ADAMTSL1: variants seen among roughly 807,000 people sequenced by gnomAD.
The protein encoded by ADAMTSL1 is ADAMTS-like protein 1.
Under a neutral mutation model 201.8 loss-of-function variants are expected in ADAMTSL1, and 126 were observed. That is an observed-to-expected ratio of 0.62 (90% CI 0.54 to 0.72). ADAMTSL1 has a LOEUF of 0.72. ADAMTSL1 is among the 30% of genes least tolerant of loss of function. The probability of loss-of-function intolerance (pLI) is 0.00; values close to 1 mark genes in which losing one functional copy is unlikely to be tolerated. For synonymous variants in ADAMTSL1, 1,121 were observed against 903.4 expected (o/e 1.24, Z -4.32); for missense variants, 2,679 against 2,277.8 (o/e 1.18, Z -3.59).
intron 2 of ADAMTSL1, among the ~76,000 whole-genome samples, chr9:18,455,616 T>TA (rs1254696406): frequency 6.6e-6 from 1 of 152,178 alleles, no homozygotes; most frequent in Non-Finnish European, 1.5e-5. Context: ...AAGTCCTCTC[T>TA]AATTCACTTT....
chr9:18,252,272 C>G (rs1025074612), intron 2 of ADAMTSL1, among the ~76,000 whole-genome samples: 1 of 152,106 alleles, frequency 6.6e-6, no homozygotes, highest in South Asian at 2.1e-4. Flanking sequence ...AAGTGGAATC[C>G]AAATGGCCTA....
chr9:18,640,501 C>T (rs1329015964), intron 7 of ADAMTSL1, among the ~76,000 whole-genome samples: 6 of 152,020 alleles, frequency 3.9e-5, no homozygotes, highest in Non-Finnish European at 7.4e-5. Context: ...TGGATTCAAG[C>T]AATATTGCTT....
intron 2 of ADAMTSL1, among the ~76,000 whole-genome samples, chr9:18,321,619 A>G (rs1834623127): frequency 3.3e-5 from 5 of 152,072 alleles, no homozygotes; most frequent in Admixed American, 3.3e-4. Context: ...CAGTGAAACC[A>G]CATCTCTACC....
At chr9:18,714,560 T>A (rs923959905) in intron 14 of ADAMTSL1, among the ~76,000 whole-genome samples, 12 of 138,920 alleles carry the variant, frequency 8.6e-5, no homozygotes, top group African/African-American at 3.0e-4. Flanking sequence ...AAGTTGAATC[T>A]CTGAAGATAG....
intron 16 of ADAMTSL1, among the ~76,000 whole-genome samples, chr9:18,761,967 T>C (rs1820094663): frequency 6.6e-6 from 1 of 152,196 alleles, no homozygotes; most frequent in African/African-American, 2.4e-5. Flanking sequence ...GCAAAGCAGC[T>C]TCTGGCTAAT....
At chr9:18,331,625 C>G (rs1171845501) in intron 2 of ADAMTSL1, among the ~76,000 whole-genome samples, 2 of 152,080 alleles carry the variant, frequency 1.3e-5, no homozygotes, top group African/African-American at 2.4e-5. Flanking sequence ...GTTGAACTAT[C>G]CATTAGAGCA....
chr9:18,238,403 T>C (rs750040379), intron 2 of ADAMTSL1, among the ~76,000 whole-genome samples: 1 of 152,146 alleles, frequency 6.6e-6, no homozygotes, highest in Non-Finnish European at 1.5e-5. Context: ...CACATCCCTT[T>C]GTGCAGGCAG....
chr9:18,503,532 A>C (rs1212043844), intron 1 of ADAMTSL1, among the ~76,000 whole-genome samples: 1 of 151,542 alleles, frequency 6.6e-6, no homozygotes, highest in African/African-American at 2.4e-5. Context: ...TCACTGCTCA[A>C]AAAGATTCAT....
intron 2 of ADAMTSL1, among the ~76,000 whole-genome samples, chr9:18,350,442 G>A (rs1376747819): frequency 6.6e-6 from 1 of 152,090 alleles, no homozygotes; most frequent in Non-Finnish European, 1.5e-5. Flanking sequence ...CTTCTAGCCT[G>A]TACCCCAAGT....
intron 1 of ADAMTSL1, among the ~76,000 whole-genome samples, chr9:18,064,964 T>A (rs1305592287): frequency 3.7e-5 from 1 of 26,878 alleles, no homozygotes; most frequent in Non-Finnish European, 8.7e-5. Context: ...ATTTTTTTTT[T>A]TTTTTTTTTT....
intron 1 of ADAMTSL1, among the ~76,000 whole-genome samples, chr9:18,118,221 CAATTCTGGTTCACTCAGTG>C: frequency 6.6e-6 from 1 of 152,302 alleles, no homozygotes. Flanking sequence ...AGACGGACAA[CAATTCTGGTTCACTCAGTG>C]ATTCTTGCTA....
rs115582430 is a variant in ADAMTSL1, at chr9:18,158,971, G to C, written c.88-4891G>C. ...TCAAAACTGGAGCTAGATTGTTTTG[G>C]CTCCAATAAATGTTTCTATTCAGCT... On this transcript the variant is annotated intron_variant, in intron 1 of 29. Coordinates refer to the ADAMTSL1 transcript ENST00000680146. Among the ~76,000 whole-genome samples, 993 of 152,014 alleles carry C rather than the reference G, an allele frequency of 6.5e-3. 17 individuals carry two copies. Among genetic ancestry groups the C allele is most frequent in the African/African-American group, 0.023 (964 of 41,510 alleles).
chr9:18,839,287 G>GT (rs1825557446), intron 23 of ADAMTSL1, among the ~76,000 whole-genome samples: 1 of 148,496 alleles, frequency 6.7e-6, no homozygotes, highest in Admixed American at 6.9e-5. Flanking sequence ...TGCGGTGTTT[G>GT]GTTTTTTGTC....
At chr9:18,612,502 G>A (rs1825442634) in intron 4 of ADAMTSL1, among the ~76,000 whole-genome samples, 1 of 152,048 alleles carries the variant, frequency 6.6e-6, no homozygotes, top group African/African-American at 2.4e-5. Flanking sequence ...ACAGTGAACA[G>A]GGCATCCAAA....
intron 7 of ADAMTSL1, among the ~76,000 whole-genome samples, chr9:18,643,525 G>C (rs964319272): frequency 1.3e-5 from 2 of 151,968 alleles, no homozygotes; most frequent in Non-Finnish European, 2.9e-5. Context: ...TTTTCTTCTA[G>C]TAATTTTATA....
At chr9:18,453,310 C>G (rs1473623095) in intron 2 of ADAMTSL1, among the ~76,000 whole-genome samples, 2 of 152,094 alleles carry the variant, frequency 1.3e-5, no homozygotes, top group Non-Finnish European at 2.9e-5. Context: ...TCTCTCCAAA[C>G]CATTCTGCCT....
At chr9:18,778,433 C>A (rs984984873) in intron 19 of ADAMTSL1, among the ~76,000 whole-genome samples, 6 of 152,162 alleles carry the variant, frequency 3.9e-5, no homozygotes, top group African/African-American at 7.2e-5. Flanking sequence ...CCCAGTGGGA[C>A]CTGTGATTGA....
At chr9:18,704,799 T>G (rs1166008966) in intron 13 of ADAMTSL1, among the ~76,000 whole-genome samples, 2 of 152,160 alleles carry the variant, frequency 1.3e-5, no homozygotes, top group Admixed American at 1.3e-4. Flanking sequence ...GTGCAAAAGG[T>G]GGAACAAAGA....
intron 5 of ADAMTSL1, among the ~76,000 whole-genome samples, chr9:18,631,457 C>G (rs1490834912): frequency 1.3e-5 from 2 of 152,108 alleles, no homozygotes; most frequent in African/African-American, 4.8e-5. Context: ...TATTTTTATA[C>G]ATAGTCAATT....
Sources: gnomAD v4.1 joint callset for allele counts (sites outside exome capture counted in the v4.1 genomes callset) on GRCh38, gnomAD v4.1.1 for gene constraint, MANE v1.5 for transcripts, NCBI Gene and HGNC (gene_info 2026-07-23, HGNC 2026-07-21) for gene names.